Variants in COL23A1 observed in about 807,000 individuals in gnomAD.
COL23A1 encodes collagen type XXIII alpha 1 chain.
COL23A1 carries 97 observed loss-of-function variants against 99.3 expected under a neutral mutation model. That is an observed-to-expected ratio of 0.98 (90% CI 0.83 to 1.16). The LOEUF (loss-of-function observed/expected upper bound fraction) is 1.16. Ranked by LOEUF, COL23A1 falls within the 50% of genes most tolerant of loss-of-function variation. The pLI is 0.00. For missense variants in COL23A1, 762 were observed against 757.4 expected (o/e 1.01, Z -0.07); for synonymous variants, 320 against 308.2 (o/e 1.04, Z -0.40).
intron 2 of COL23A1, among the ~76,000 whole-genome samples, chr5:178,512,390 A>G (rs1444934161): frequency 6.6e-6 from 1 of 152,246 alleles, no homozygotes. Context: ...ATCCAATTTG[A>G]GAAAGAGTGA....
At chr5:178,498,164 G>A (rs999129914) in intron 2 of COL23A1, among the ~76,000 whole-genome samples, 6 of 135,830 alleles carry the variant, frequency 4.4e-5, no homozygotes, top group Non-Finnish European at 9.4e-5. Flanking sequence ...TTAGGAGTTC[G>A]AGACCAGCCT....
intron 2 of COL23A1, among the ~76,000 whole-genome samples, chr5:178,389,040 C>T (rs112831361): frequency 3.3e-5 from 5 of 152,296 alleles, no homozygotes; most frequent in African/African-American, 1.2e-4. Flanking sequence ...AAAATTTACA[C>T]TCCTTACCAA....
intron 2 of COL23A1, chr5:178,351,833 G>A (rs565348490): frequency 1.8e-4 from 27 of 152,292 alleles, no homozygotes; most frequent in African/African-American, 6.5e-4. Context: ...AAAATAAAAT[G>A]AGGTCATAAG....
At chr5:178,277,776 G>T (rs993376881) in intron 5 of COL23A1, among the ~76,000 whole-genome samples, 1 of 78,378 alleles carries the variant, frequency 1.3e-5, no homozygotes, top group African/African-American at 5.2e-5. Flanking sequence ...CCTTTGAACC[G>T]ATCCCAAAAA....
At chr5:178,286,913 C>T (rs1007241952) in intron 5 of COL23A1, among the ~76,000 whole-genome samples, 5 of 152,250 alleles carry the variant, frequency 3.3e-5, no homozygotes, top group Non-Finnish European at 7.3e-5. Context: ...TACACCCCAC[C>T]CTCTCCCCTC....
intron 2 of COL23A1, among the ~76,000 whole-genome samples, chr5:178,533,440 G>A (rs746574337): frequency 1.6e-4 from 25 of 152,232 alleles, no homozygotes; most frequent in Non-Finnish European, 3.1e-4. Flanking sequence ...GTGTCTTTGC[G>A]ACTGGCTTAT....
At chr5:178,247,375 G>T in intron 22 of COL23A1, 151 bp downstream of exon 22, 2 of 804,902 alleles carry the variant, frequency 2.5e-6, no homozygotes, top group East Asian at 5.2e-5. Context: ...GGGAGGTTAT[G>T]CCCTGGGGAC....
chr5:178,307,381 C>T lies in COL23A1; in HGVS notation c.362-462G>A, dbSNP rs1213192063. On this transcript the variant is annotated intron_variant, in intron 2 of 28. Coordinates refer to ENST00000390654, the MANE Select transcript of COL23A1 (RefSeq NM_173465.4). The surrounding 1 kb of genome is among the most constrained non-coding windows in gnomAD (Gnocchi z 4.2). ...AGCCAACACAACAAAGAGGCCATCA[C>T]GGCCGCGCAGCGCCGAAATCCACTC... 1.3e-5 allele frequency among the ~76,000 whole-genome samples: 2 copies of T among 152,254 alleles called. No individual in the cohort carries two copies. Among genetic ancestry groups the T allele is most frequent in the Admixed American group, 6.5e-5 (1 of 15,288 alleles).
rs1173273067 is a variant in COL23A1, at chr5:178,248,231, C to T, written c.1173G>A (p.Glu391=). The part of the protein sequence containing the change: ...GLPGADGLKG[E]KGESASDSLQ... ...GGCTGTCAGACGCCGACTCCCCCTT[C>T]TCCCCCTTGAGGCCGTCAGCGCCCT... Residue 391 remains glutamate (E), a synonymous_variant, in exon 20 of 29, where the codon GAG becomes GAA. Coordinates refer to ENST00000390654, the MANE Select transcript of COL23A1 (RefSeq NM_173465.4). 18 of 1,611,418 alleles carry T rather than the reference C, an allele frequency of 1.1e-5. No individual in the cohort carries two copies. The highest frequency in any genetic ancestry group is 1.4e-5 in the Non-Finnish European group (16 of 1,178,308).
At chr5:178,341,414 C>T (rs116357381) in intron 2 of COL23A1, among the ~76,000 whole-genome samples, 3,040 of 152,302 alleles carry the variant, frequency 0.02, 36 homozygotes, top group South Asian at 0.044. Flanking sequence ...GGCCCTCTCC[C>T]GGACCCCTGC....
intron 2 of COL23A1, among the ~76,000 whole-genome samples, chr5:178,543,873 G>A (rs1467378140): frequency 6.6e-6 from 1 of 152,142 alleles, no homozygotes. Context: ...AGTTCTGGAG[G>A]CTGTAAGGCG....
chr5:178,493,572 A>G (rs1271891453), intron 2 of COL23A1, among the ~76,000 whole-genome samples: 1 of 152,238 alleles, frequency 6.6e-6, no homozygotes, highest in Non-Finnish European at 1.5e-5. Context: ...GTAACCTCTG[A>G]AGACCAGCCC....
intron 18 of COL23A1, 83 bp downstream of exon 18, chr5:178,249,978 T>C (rs1025009002): frequency 1.8e-5 from 26 of 1,451,724 alleles, no homozygotes; most frequent in South Asian, 3.4e-5. Flanking sequence ...TGTGCACACA[T>C]GCACACGCAC....
intron 1 of COL23A1, among the ~76,000 whole-genome samples, chr5:178,586,165 G>A (rs1039188556): frequency 2.6e-5 from 4 of 152,206 alleles, no homozygotes; most frequent in Non-Finnish European, 5.9e-5. Context: ...CCCAGGATGC[G>A]CTGACCGTCT....
intron 2 of COL23A1, among the ~76,000 whole-genome samples, chr5:178,484,154 C>T (rs1325093290): frequency 1.3e-5 from 2 of 152,020 alleles, no homozygotes; most frequent in Non-Finnish European, 2.9e-5. Flanking sequence ...TTGAACTCGA[C>T]CTCAGGTGAT....
chr5:178,564,653 A>G (rs1762756844), intron 1 of COL23A1, among the ~76,000 whole-genome samples: 1 of 152,160 alleles, frequency 6.6e-6, no homozygotes, highest in South Asian at 2.1e-4. Context: ...GGAGAACTTG[A>G]AGTCTGGGGG....
At chr5:178,450,322 C>T (rs1451926505) in intron 2 of COL23A1, among the ~76,000 whole-genome samples, 2 of 152,180 alleles carry the variant, frequency 1.3e-5, no homozygotes, top group East Asian at 3.8e-4. Context: ...GTCCCACATT[C>T]CCTTGCAGTT....
intron 1 of COL23A1, among the ~76,000 whole-genome samples, chr5:178,587,971 G>A (rs968638117): frequency 2.0e-5 from 3 of 152,174 alleles, no homozygotes; most frequent in East Asian, 3.8e-4. Flanking sequence ...CTCCACTGGC[G>A]GGAAAACCCA....
intron 2 of COL23A1, among the ~76,000 whole-genome samples, chr5:178,530,931 G>A (rs1271812000): frequency 2.0e-5 from 3 of 152,170 alleles, no homozygotes; most frequent in Non-Finnish European, 4.4e-5. Context: ...ACAGTGGTGC[G>A]ATCTCAGCTC....
Sources: gnomAD v4.1 joint callset for allele counts (sites outside exome capture counted in the v4.1 genomes callset) on GRCh38, gnomAD v4.1.1 for gene constraint, Gnocchi (gnomAD v3.1) non-coding constraint, MANE v1.5 for transcripts, NCBI Gene and HGNC (gene_info 2026-07-23, HGNC 2026-07-21) for gene names.